The following RAD51B variants were observed in gnomAD, a reference collection of about 807,000 sequenced individuals.
The protein encoded by RAD51B is DNA repair protein RAD51 homolog 2.
RAD51B carries 38 observed loss-of-function variants against 42.2 expected under a neutral mutation model. The ratio of observed to expected loss-of-function variants is 0.90; its 90% CI spans 0.70 to 1.18. RAD51B has a LOEUF of 1.18. Ranked by LOEUF, RAD51B falls within the 50% of genes most tolerant of loss-of-function variation. RAD51B has a pLI of 0.00. For missense variants in RAD51B, 373 were observed against 400.7 expected (o/e 0.93, Z 0.59); for synonymous variants, 154 against 145.2 (o/e 1.06, Z -0.43).
downstream of RAD51B, among the ~76,000 whole-genome samples, chr14:68,597,120 C>A (rs1204040846): frequency 6.6e-6 from 1 of 152,184 alleles, no homozygotes; most frequent in African/African-American, 2.4e-5. Context: ...TGACATGAAG[C>A]CTGTTCCTGG....
chr14:67,957,656 C>T (rs951338828), intron 7 of RAD51B, among the ~76,000 whole-genome samples: 1 of 152,156 alleles, frequency 6.6e-6, no homozygotes, highest in Non-Finnish European at 1.5e-5. Context: ...GAAGTGAACA[C>T]CAACCATTCC....
intron 8 of RAD51B, among the ~76,000 whole-genome samples, chr14:68,371,068 A>G (rs866343276): frequency 4.8e-4 from 71 of 146,928 alleles, no homozygotes; most frequent in African/African-American, 1.7e-3. Flanking sequence ...AAAAAAGAAA[A>G]GAAAATTAAA....
intron 10 of RAD51B, among the ~76,000 whole-genome samples, chr14:68,517,459 C>T (rs1392391621): frequency 6.6e-6 from 1 of 152,122 alleles, no homozygotes. Context: ...CAGATGTCAA[C>T]ACAGTGAAGA....
At chr14:68,652,525 C>T (rs948423623) in intron 11 of RAD51B, among the ~76,000 whole-genome samples, 1 of 152,234 alleles carries the variant, frequency 6.6e-6, no homozygotes, top group Non-Finnish European at 1.5e-5. Flanking sequence ...CTCGGCCATG[C>T]GTGCTGTGCG....
intron 7 of RAD51B, among the ~76,000 whole-genome samples, chr14:68,063,474 A>C (rs933621821): frequency 1.3e-5 from 2 of 152,054 alleles, no homozygotes; most frequent in Non-Finnish European, 2.9e-5. Context: ...AGTGGCTCAC[A>C]CCTGTAATCC....
At chr14:67,966,869 T>C (rs2074790101) in intron 7 of RAD51B, among the ~76,000 whole-genome samples, 2 of 152,206 alleles carry the variant, frequency 1.3e-5, no homozygotes, top group South Asian at 4.1e-4. Flanking sequence ...CAGTATTATA[T>C]TTAGGTCTAG....
chr14:68,343,126 T>A (rs370465391), intron 8 of RAD51B, among the ~76,000 whole-genome samples: 1 of 43,832 alleles, frequency 2.3e-5, no homozygotes, highest in Admixed American at 3.6e-4. Flanking sequence ...CTCCAAATAC[T>A]TACCAGTTTT....
intron 7 of RAD51B, among the ~76,000 whole-genome samples, chr14:68,265,375 A>G (rs1270643775): frequency 1.3e-5 from 2 of 152,196 alleles, no homozygotes; most frequent in Non-Finnish European, 2.9e-5. Context: ...AAGGCATACC[A>G]GGTGCTATGT....
chr14:68,568,747 CT>C (rs1438082538), intron 10 of RAD51B, among the ~76,000 whole-genome samples: 1 of 152,220 alleles, frequency 6.6e-6, no homozygotes, highest in East Asian at 1.9e-4. Flanking sequence ...AAAGCTTGCA[CT>C]GTTTTTGGCC....
chr14:68,086,856 C>G (rs1022905620), intron 7 of RAD51B, among the ~76,000 whole-genome samples: 1 of 152,084 alleles, frequency 6.6e-6, no homozygotes, highest in Non-Finnish European at 1.5e-5. Context: ...ATGCCTGGGG[C>G]CAGGCGCGGT....
At chr14:68,263,430 C>T (rs2080926459) in intron 7 of RAD51B, among the ~76,000 whole-genome samples, 1 of 152,166 alleles carries the variant, frequency 6.6e-6, no homozygotes, top group Admixed American at 6.5e-5. Context: ...CCAGGACAGA[C>T]AGTCCCAATG....
intron 10 of RAD51B, among the ~76,000 whole-genome samples, chr14:68,604,628 G>A (rs887058691): frequency 3.3e-5 from 5 of 152,148 alleles, no homozygotes; most frequent in Admixed American, 2.0e-4. Context: ...ATGCCCCAGC[G>A]GCAGCGCCAT....
chr14:68,485,360 A>T (rs1883543096), intron 10 of RAD51B, among the ~76,000 whole-genome samples: 1 of 152,006 alleles, frequency 6.6e-6, no homozygotes, highest in South Asian at 2.1e-4. Context: ...AGGACTAGTG[A>T]GTGGGAAGGA....
chr14:68,623,720 A>T (rs17756627), intron 10 of RAD51B, among the ~76,000 whole-genome samples: 19,001 of 152,254 alleles, frequency 0.12, 1,343 homozygotes, highest in East Asian at 0.2. Context: ...GTGTTCCTCA[A>T]GTGATCAGAT....
At chr14:68,507,614 T>A (rs900149646) in intron 10 of RAD51B, among the ~76,000 whole-genome samples, 1 of 152,164 alleles carries the variant, frequency 6.6e-6, no homozygotes, top group Non-Finnish European at 1.5e-5. Context: ...GCACGTGACC[T>A]CCTCAGAGTC....
At chr14:68,541,526 C>A (rs1173677599) in intron 10 of RAD51B, 1 of 985,318 alleles carries the variant, frequency 1.0e-6, no homozygotes, top group Non-Finnish European at 1.2e-6. Context: ...GCCTTGGAAA[C>A]TCATGCAGGT....
intron 10 of RAD51B, chr14:68,497,405 C>T: frequency 8.8e-7 from 1 of 1,131,806 alleles, no homozygotes; most frequent in East Asian, 4.6e-5. Context: ...GATTTGATAC[C>T]ATGGCACTGA....
intron 9 of RAD51B, among the ~76,000 whole-genome samples, chr14:68,434,336 C>G (rs192510337): frequency 6.6e-5 from 10 of 152,288 alleles, no homozygotes; most frequent in Admixed American, 5.9e-4. Context: ...GTCCTGCCCC[C>G]CAGAGGTGGA....
intron 7 of RAD51B, among the ~76,000 whole-genome samples, chr14:68,032,223 G>T (rs2076058098): frequency 6.6e-6 from 1 of 152,036 alleles, no homozygotes; most frequent in Non-Finnish European, 1.5e-5. Context: ...GCAAAATAAA[G>T]GTCCTTGCAT....
Sources: gnomAD v4.1 joint callset for allele counts (sites outside exome capture counted in the v4.1 genomes callset) on GRCh38, gnomAD v4.1.1 for gene constraint, MANE v1.5 for transcripts, NCBI Gene and HGNC (gene_info 2026-07-23, HGNC 2026-07-21) for gene names.